The following PLPPR3 variants were observed in gnomAD, a reference collection of about 807,000 sequenced individuals.
The protein encoded by PLPPR3 is phospholipid phosphatase-related protein type 3.
Under a neutral mutation model 27.3 loss-of-function variants are expected in PLPPR3, and 14 were observed. The observed-to-expected ratio is 0.51, with a 90% CI of 0.34 to 0.80. The LOEUF (loss-of-function observed/expected upper bound fraction) is 0.80, where lower values mean the gene tolerates loss of function less well. Among genes scored for constraint, PLPPR3 ranks in the 30% least tolerant of loss-of-function variants. The pLI, the probability that PLPPR3 is intolerant of heterozygous loss-of-function variation, is 0.01. For missense variants in PLPPR3, 1,287 were observed against 1,056.9 expected, an observed-to-expected ratio of 1.22 and a Z score of -3.02; for synonymous variants, 671 against 508.0, an observed-to-expected ratio of 1.32 and a Z score of -4.32.
chr19:821,794 A>C, intron 1 of PLPPR3, 121 bp downstream of exon 1: 1 of 226,616 alleles, frequency 4.4e-6, no homozygotes, highest in Non-Finnish European at 8.0e-6. Flanking sequence ...ATCGCCGAGG[A>C]GGGCGGGGGG....
In PLPPR3 at chr19:815,109, G is replaced by A. The variant is rs754505507; in HGVS notation, c.404-28C>T. On this transcript the variant is annotated intron_variant, in intron 4 of 7. Transcript: ENST00000520876. ...GCAGGGCGGAAGGCTCGGCCAGGCG[G>A]GGAGCTGGGGACCCGGGACAGCCCC... 2.9e-5 allele frequency: 46 copies of A among 1,600,716 alleles called. No individual in the cohort carries two copies. In the South Asian group the frequency reaches 3.5e-4, roughly 12 times the overall value.
chr19:822,073 C>T (rs2035157518), upstream of PLPPR3: 2 of 150,864 alleles, frequency 1.3e-5, no homozygotes, highest in African/African-American at 2.4e-5. Context: ...GGCGGGGGCT[C>T]TTTGTCTGGG....
rs1488266447 is a variant in PLPPR3, at chr19:819,278, A to G, written c.75+2207T>C. 4.4e-4 allele frequency among the ~76,000 whole-genome samples: 16 copies of G among 36,332 alleles called. 2 individuals are homozygous for G. Among genetic ancestry groups the G allele is most frequent in the African/African-American group, 1.2e-3 (3 of 2,594 alleles). The allele number at this position is 36,332 out of a possible 152,430, so 23.8% of individuals were successfully genotyped here. A position where few individuals can be genotyped will look rare whatever the true frequency, so the allele number is the denominator to read the frequency against. ...AGGCGTGAGCCACTGCACCCAGCCT[A>G]CTTTTTTTTTTTTTTTTTCCGAGAT... On this transcript the variant is annotated intron_variant, in intron 2 of 7. Transcript: ENST00000520876.
chr19:822,165 C>T (rs1353049466), upstream of PLPPR3, among the ~76,000 whole-genome samples: 1 of 151,714 alleles, frequency 6.6e-6, no homozygotes, highest in Non-Finnish European at 1.5e-5. Flanking sequence ...GGTCTCAGGT[C>T]TGCGCGAGCG....
intron 3 of PLPPR3, 61 bp from the exon 4 acceptor site, chr19:815,388 G>T: frequency 1.3e-6 from 2 of 1,481,654 alleles, no homozygotes; most frequent in Non-Finnish European, 8.9e-7. Context: ...GCTCAGGCGG[G>T]CTCCCATCTG....
chr19:813,837 G>A lies in PLPPR3; in HGVS notation c.890C>T (p.Ala297Val), dbSNP rs1264925145. The part of the protein sequence containing the change: ...APPAEKPAAP[A>V]PAKDALRALT... ...GGCCCGCAGCGCGTCCTTGGCGGGG[G>A]CCGGGGCCGCGGGCTTCTCTGCAGG... is the stretch of plus-strand genomic sequence containing the variant. The change falls in exon 8 of 8, where the codon GCC (alanine) becomes GTC (valine). Residue 297 changes from alanine (A) to valine (V), a missense_variant. By Grantham distance (64) the Ala-to-Val change is moderately conservative. Transcript: ENST00000520876. The surrounding 1 kb of genome is among the most constrained non-coding windows in gnomAD (Gnocchi z 4.1). 5.4e-6 allele frequency: 8 copies of A among 1,477,920 alleles called. No individual in the cohort carries two copies. Among genetic ancestry groups the A allele is most frequent in the Non-Finnish European group, 6.2e-6 (7 of 1,123,284 alleles). The allele number at this position is 1,477,920 out of a possible 1,614,324, so 91.6% of individuals were successfully genotyped here.
intron 7 of PLPPR3, 132 bp downstream of exon 7, chr19:814,302 A>C: frequency 1.3e-6 from 1 of 776,064 alleles, no homozygotes; most frequent in Non-Finnish European, 1.9e-6. Context: ...CTCCCCTGTC[A>C]GACCCCCTGA....
Position 814,487 on chromosome 19 carries a change from G to A in PLPPR3, c.778C>T (p.Pro260Ser), listed in dbSNP as rs760529206. ...AGGAAGCCGGCATACACGTCCACAG[G>A]GTGGCTGCGGTACTGCGTGATCTGC... The part of the protein sequence containing the change: ...LTQITQYRSH[P>S]VDVYAGFLIG... The change falls in exon 7 of 8, where the codon CCT (proline) becomes TCT (serine). Residue 260 changes from proline to serine, a missense_variant. Transcript: ENST00000520876. 3.1e-5 allele frequency: 50 copies of A among 1,610,040 alleles called. No individual in the cohort carries two copies. The highest frequency in any genetic ancestry group is 4.2e-5 in the Non-Finnish European group (50 of 1,179,814).
chr19:821,147 C>T (rs916183007), intron 2 of PLPPR3, among the ~76,000 whole-genome samples: 10 of 151,808 alleles, frequency 6.6e-5, no homozygotes, highest in South Asian at 2.1e-4. Context: ...GCGGCACCTG[C>T]ACCCAACCCC....
At position 818,958 on chromosome 19, in the gene PLPPR3, CTTA is replaced by C. The variant is rs1227998081; in HGVS notation, c.75+2524_75+2526del. Reference sequence around the variant, plus strand: ...ACAGGTGTGAGCCACTGCGCTCGGCCTTATTATTATTATTTTATTTATTATTAT... The same window carrying C: ...ACAGGTGTGAGCCACTGCGCTCGGCCTTATTATTATTTTATTTATTATTAT... On this transcript the variant is annotated intron_variant, in intron 2 of 7. Coordinates refer to ENST00000520876, the MANE Select transcript of PLPPR3 (RefSeq NM_001270366.2). 9.1e-5 allele frequency among the ~76,000 whole-genome samples: 11 copies of C among 120,516 alleles called. 3 individuals are homozygous for C. The Admixed American group carries it at 1.0e-3, about 11-fold the overall frequency. 79.1% of individuals were successfully genotyped at this position (120,516 alleles called of 152,430 possible).
chr19:822,066 G>C (rs897410978), upstream of PLPPR3: 1 of 151,580 alleles, frequency 6.6e-6, no homozygotes, highest in African/African-American at 2.4e-5. Flanking sequence ...AGCCAGGGGC[G>C]GGGGCTCTTT....
intron 1 of PLPPR3, 71 bp from the exon 2 acceptor site, chr19:821,656 C>T (rs2145086103): frequency 2.4e-6 from 2 of 837,154 alleles, no homozygotes; most frequent in East Asian, 3.5e-5. Context: ...TGGCCGGCGC[C>T]GGCGGGGGAG....
In PLPPR3 at chr19:812,904, C is replaced by G; in HGVS notation, c.1823G>C (p.Gly608Ala). 1 of 1,291,066 alleles carries G rather than the reference C, an allele frequency of 7.7e-7. No homozygotes were observed. The highest frequency in any genetic ancestry group is 9.9e-7 in the Non-Finnish European group (1 of 1,014,548). The allele number at this position is 1,291,066 out of a possible 1,614,324, so 80.0% of individuals were successfully genotyped here. A position where few individuals can be genotyped will look rare whatever the true frequency, so the allele number is the denominator to read the frequency against. ...GGAPWEWKAA[G>A]GGAKAEADGG... ...GTCGGCCTCCGCCTTGGCCCCGCCG[C>G]CCGCCGCCTTCCACTCCCAGGGCGC... Residue 608 changes from glycine to alanine, a missense_variant, in exon 8 of 8, where the codon GGC (glycine) becomes GCC (alanine). Gly to Ala is a moderately conservative substitution (Grantham distance 60). Coordinates refer to ENST00000520876, the MANE Select transcript of PLPPR3 (RefSeq NM_001270366.2).
At chr19:820,250 C>T (rs1341723511) in intron 2 of PLPPR3, among the ~76,000 whole-genome samples, 1 of 152,070 alleles carries the variant, frequency 6.6e-6, no homozygotes, top group Non-Finnish European at 1.5e-5. Flanking sequence ...GTGGTGTGAT[C>T]ACAACTCACT....
chr19:812,923 A>G lies in PLPPR3; in HGVS notation c.1804T>C (p.Trp602Arg). Residue 602 changes from tryptophan (W) to arginine (R), a missense_variant, in exon 8 of 8, where the codon TGG becomes CGG. Physicochemically the swap from Trp to Arg is moderately radical, Grantham distance 101. Transcript: ENST00000520876. ...VVHLSAGGAP[W>R]EWKAAGGGAK... Reference sequence around the variant, plus strand: ...CCGCCGCCCGCCGCCTTCCACTCCCAGGGCGCGCCGCCGGCCGACAGGTGC... The same window carrying G: ...CCGCCGCCCGCCGCCTTCCACTCCCGGGGCGCGCCGCCGGCCGACAGGTGC... The G allele has an allele frequency of 7.5e-7, 1 of 1,328,724 alleles. No individual in the cohort carries two copies. Among genetic ancestry groups the G allele is most frequent in the South Asian group, 1.5e-5 (1 of 66,116 alleles). The allele number at this position is 1,328,724 out of a possible 1,614,324, so 82.3% of individuals were successfully genotyped here. A position where few individuals can be genotyped will look rare whatever the true frequency, so the allele number is the denominator to read the frequency against.
In PLPPR3 at chr19:815,275, C is replaced by T. The variant is rs562187309; in HGVS notation, c.314G>A (p.Arg105His). Residue 105 changes from arginine to histidine, a missense_variant, in exon 4 of 8, where the codon CGT becomes CAT. Arg to His is a conservative substitution (Grantham distance 29). Transcript: ENST00000520876. ...CTCCGCCCCGGCGGGCCCCCCGGCA[C>T]GGCCCCACAGCCGGGACTGCAGACA... ...LYCLQSRLWG[R>H]AGGPAGAEGS... 35 of 1,556,902 alleles carry T rather than the reference C, an allele frequency of 2.2e-5. No homozygotes were observed. The highest frequency in any genetic ancestry group is 8.2e-5 in the South Asian group (7 of 85,104).
intron 2 of PLPPR3, among the ~76,000 whole-genome samples, chr19:816,919 C>T (rs61504683): frequency 0.6 from 87,601 of 146,976 alleles, 28,459 homozygotes; most frequent in African/African-American, 0.87. Flanking sequence ...CATCCATCCA[C>T]CCATCCACCC....
At position 812,827 on chromosome 19, in the gene PLPPR3, G is replaced by T; in HGVS notation, c.1900C>A (p.Pro634Thr). Residue 634 changes from proline (P) to threonine (T), a missense_variant, in exon 8 of 8, where the codon CCC (proline) becomes ACC (threonine). Transcript: ENST00000520876. Reference sequence around the variant, plus strand: ...GACGAGCCGGGGGACACGCCCGGGGGCTTGGCCCCGCCGCGGAAGCCGCGC... The same window carrying T: ...GACGAGCCGGGGGACACGCCCGGGGTCTTGGCCCCGCCGCGGAAGCCGCGC... ...LARGFRGGAK[P>T]PGVSPGSSVS... 1 of 1,113,928 alleles carries T rather than the reference G, an allele frequency of 9.0e-7. No homozygotes were observed. The highest frequency in any genetic ancestry group is 1.1e-6 in the Non-Finnish European group (1 of 911,348). The allele number at this position is 1,113,928 out of a possible 1,614,324, so 69.0% of individuals were successfully genotyped here.
At chr19:823,369 G>A (rs1159086096), upstream of PLPPR3, among the ~76,000 whole-genome samples, 2 of 151,182 alleles carry the variant, frequency 1.3e-5, no homozygotes, top group Non-Finnish European at 2.9e-5. Context: ...TTGAACCTGG[G>A]AGGCGGAGGT....
Sources: gnomAD v4.1 joint callset for allele counts (sites outside exome capture counted in the v4.1 genomes callset) on GRCh38, gnomAD v4.1.1 for gene constraint, Gnocchi (gnomAD v3.1) non-coding constraint, MANE v1.5 for transcripts, NCBI Gene and HGNC (gene_info 2026-07-23, HGNC 2026-07-21) for gene names.